STX5: variants seen among roughly 807,000 people sequenced by gnomAD.
STX5 encodes the protein syntaxin 5.
In STX5, 15 loss-of-function variants were observed where a neutral mutation model predicts 42.9. That is an observed-to-expected ratio of 0.35 (90% CI 0.23 to 0.54). STX5 has a LOEUF of 0.54. Ranked by LOEUF, STX5 falls within the 20% of genes least tolerant of loss-of-function variation. STX5 has a pLI of 0.91. For synonymous variants in STX5, 184 were observed against 173.2 expected (o/e 1.06, Z -0.49); for missense variants, 430 against 455.0 (o/e 0.95, Z 0.50).
At chr11:62,826,879 CAAAAA>C (rs34108643) in intron 5 of STX5, among the ~76,000 whole-genome samples, 2 of 65,654 alleles carry the variant, frequency 3.0e-5, no homozygotes, top group East Asian at 4.0e-4. Flanking sequence ...AACTCTGCCT[CAAAAA>C]AAAAAAAAAA....
chr11:62,818,806 T>G (rs2084704581), intron 10 of STX5, among the ~76,000 whole-genome samples: 1 of 151,622 alleles, frequency 6.6e-6, no homozygotes, highest in African/African-American at 2.4e-5. Flanking sequence ...ATCGTGCCAC[T>G]GCACTCCAGC....
intron 10 of STX5, among the ~76,000 whole-genome samples, chr11:62,817,990 G>A (rs559281969): frequency 6.6e-6 from 1 of 152,080 alleles, no homozygotes; most frequent in South Asian, 2.1e-4. Flanking sequence ...GAAACTCAGA[G>A]GCTGGGTGTG....
In STX5 at chr11:62,830,441, G is replaced by A. The variant is rs1034706596; in HGVS notation, c.225+578C>T. ...GCATCCATGTAGTCCCAGCTGCTCA[G>A]GAGGCTGAGGAAAGAGGATCCCTTG... On this transcript the variant is annotated intron_variant, in intron 2 of 10. Transcript: ENST00000294179. The A allele has an allele frequency of 5.5e-5, 24 of 440,048 alleles. No individual in the cohort carries two copies. In the Admixed American group the frequency reaches 6.1e-4, roughly 11 times the overall value. 27.3% of individuals were successfully genotyped at this position (440,048 alleles called of 1,614,324 possible).
intron 10 of STX5, among the ~76,000 whole-genome samples, chr11:62,819,907 G>A (rs1168797416): frequency 1.8e-4 from 25 of 142,564 alleles, no homozygotes; most frequent in African/African-American, 5.2e-4. Context: ...TCACCATTTT[G>A]GCCAAGCAGG....
intron 10 of STX5, among the ~76,000 whole-genome samples, chr11:62,816,987 CAG>C (rs2084681029): frequency 6.6e-6 from 1 of 152,016 alleles, no homozygotes; most frequent in African/African-American, 2.4e-5. Flanking sequence ...TGTTTTGAGA[CAG>C]AGTCTTGCTC....
chr11:62,807,500 A>G lies in STX5; in HGVS notation c.1037T>C (p.Phe346Ser). 1 of 1,614,096 alleles carries G rather than the reference A, an allele frequency of 6.2e-7. No homozygotes were observed. Among genetic ancestry groups the G allele is most frequent in the Non-Finnish European group, 8.5e-7 (1 of 1,180,008 alleles). ...AAGGAAGACCACAAAGATGATGAAG[A>G]AGACAATGAGGATGAGGAAGATTTT... ...MVKIFLILIV[F>S]FIIFVVFLA The change falls in exon 11 of 11, where the codon TTC becomes TCC. Residue 346 changes from phenylalanine (F) to serine (S), a missense_variant. Physicochemically the swap from Phe to Ser is radical, Grantham distance 155. Transcript: ENST00000294179.
rs557502264 is a variant in STX5, at chr11:62,824,027, A to C, written c.908+139T>G. The stretch of plus-strand genomic sequence containing the variant: ...AATAAAAACTTGTTGGGTGGATGGA[A>C]GCAGGTGAACTGGGTCCCATGGGTG... On this transcript the variant is annotated intron_variant, in intron 10 of 10. Coordinates refer to ENST00000294179, the MANE Select transcript of STX5 (RefSeq NM_003164.5). 6 of 1,375,800 alleles carry C rather than the reference A, an allele frequency of 4.4e-6. No individual in the cohort carries two copies. The South Asian group carries it at 8.1e-5, about 19-fold the overall frequency. The allele number at this position is 1,375,800 out of a possible 1,614,324, so 85.2% of individuals were successfully genotyped here. A position where few individuals can be genotyped will look rare whatever the true frequency, so the allele number is the denominator to read the frequency against.
At chr11:62,809,749 G>A (rs984111815) in intron 10 of STX5, among the ~76,000 whole-genome samples, 1 of 142,556 alleles carries the variant, frequency 7.0e-6, no homozygotes, top group African/African-American at 2.6e-5. Context: ...TTAGCATGCT[G>A]TAGTATCTAG....
intron 10 of STX5, among the ~76,000 whole-genome samples, chr11:62,821,952 G>C (rs1269485599): frequency 6.6e-6 from 1 of 152,122 alleles, no homozygotes; most frequent in Non-Finnish European, 1.5e-5. Context: ...CTTGGACCTA[G>C]GAGGCAGAGG....
intron 10 of STX5, chr11:62,823,940 A>T: frequency 1.7e-6 from 1 of 588,488 alleles, no homozygotes; most frequent in Non-Finnish European, 3.0e-6. Flanking sequence ...GACAGACTTT[A>T]CTGTTCTACT....
At chr11:62,809,325 G>C (rs1415559966) in intron 10 of STX5, among the ~76,000 whole-genome samples, 2 of 148,822 alleles carry the variant, frequency 1.3e-5, no homozygotes, top group African/African-American at 4.9e-5. Context: ...GGGGAAACTT[G>C]AACATGGGCT....
intron 8 of STX5, 129 bp from the exon 9 acceptor site, chr11:62,824,694 T>G (rs1319501683): frequency 8.5e-6 from 7 of 827,274 alleles, no homozygotes; most frequent in Non-Finnish European, 1.4e-5. Context: ...ATTTAACCTC[T>G]CTGAGCCTCA....
chr11:62,818,402 C>CA lies in STX5; in HGVS notation c.908+5763dup, dbSNP rs553124975. 3.0e-3 allele frequency among the ~76,000 whole-genome samples: 443 copies of CA among 145,814 alleles called. 2 individuals are homozygous for CA. Among genetic ancestry groups the CA allele is most frequent in the African/African-American group, 9.5e-3 (378 of 39,716 alleles). ...TGAAACCCCATTTCTACTAAAAATACAAAAAAAAAATTAGCTGGGTATGCT... is the reference window on the plus strand; with the variant it reads ...TGAAACCCCATTTCTACTAAAAATACAAAAAAAAAAATTAGCTGGGTATGCT... On this transcript the variant is annotated intron_variant, in intron 10 of 10. Transcript: ENST00000294179.
At position 62,832,009 on chromosome 11, in the gene STX5, C is replaced by T; in HGVS notation, c.-75G>A. 1 of 472,258 alleles carries T rather than the reference C, an allele frequency of 2.1e-6. No individual in the cohort carries two copies. Among genetic ancestry groups the T allele is most frequent in the Non-Finnish European group, 4.2e-6 (1 of 238,118 alleles). 29.3% of individuals were successfully genotyped at this position (472,258 alleles called of 1,614,324 possible). A position where few individuals can be genotyped will look rare whatever the true frequency, so the allele number is the denominator to read the frequency against. On this transcript the variant is annotated 5_prime_UTR_variant, in exon 1 of 11. Transcript: ENST00000294179. ...TTCCAATCTCACCGGCCGTCACTGC[C>T]TCCTCCCCGAGCACTGAAGCCGCCG...
chr11:62,822,778 G>A lies in STX5; in HGVS notation c.908+1388C>T, dbSNP rs571755144. ...CCTATTAGGATACACGTTCCACAAG[G>A]GCAAGGATTTTGTCTCTTTTGTCCA... On this transcript the variant is annotated intron_variant, in intron 10 of 10. Coordinates refer to ENST00000294179, the MANE Select transcript of STX5 (RefSeq NM_003164.5). 2.0e-5 allele frequency among the ~76,000 whole-genome samples: 3 copies of A among 151,548 alleles called. No individual in the cohort carries two copies. In the East Asian group the frequency reaches 5.8e-4, roughly 29 times the overall value.
In STX5 at chr11:62,807,558, G is replaced by A; in HGVS notation, c.979C>T (p.Gln327Ter). Reference sequence around the variant, plus strand: ...AGCCACCGGTTGGAGGTGACAGACTGGAAGTACTTGAGGATCTCTGAATGG... The same window carrying A: ...AGCCACCGGTTGGAGGTGACAGACTAGAAGTACTTGAGGATCTCTGAATGG... ...AAHSEILKYF[Q>*]SVTSNRWLMV... Residue 327 changes from glutamine to a stop codon, truncating the protein, a stop_gained, in exon 11 of 11, where the codon CAG (glutamine) becomes TAG (stop). Coordinates refer to ENST00000294179, the MANE Select transcript of STX5 (RefSeq NM_003164.5). LOFTEE classifies it high-confidence loss of function. 1.2e-6 allele frequency: 2 copies of A among 1,614,132 alleles called. No homozygotes were observed. Among genetic ancestry groups the A allele is most frequent in the Non-Finnish European group, 1.7e-6 (2 of 1,180,010 alleles).
chr11:62,819,269 A>G (rs2084712533), intron 10 of STX5, among the ~76,000 whole-genome samples: 1 of 140,572 alleles, frequency 7.1e-6, no homozygotes, highest in African/African-American at 2.6e-5. Context: ...AGGTGAAAAA[A>G]GTTTAGTTTT....
chr11:62,821,921 G>A (rs2084744534), intron 10 of STX5, among the ~76,000 whole-genome samples: 1 of 152,118 alleles, frequency 6.6e-6, no homozygotes, highest in Non-Finnish European at 1.5e-5. Context: ...AGCTACTCAG[G>A]AGGCTGAGGC....
intron 10 of STX5, among the ~76,000 whole-genome samples, chr11:62,820,520 CTTT>C (rs374794905): frequency 2.8e-5 from 4 of 140,658 alleles, no homozygotes; most frequent in Non-Finnish European, 3.1e-5. Flanking sequence ...TTTTCTTTTT[CTTT>C]TTTTTTTTTT....
Sources: allele counts gnomAD v4.1 joint callset (sites outside exome capture counted in the v4.1 genomes callset), GRCh38; gene constraint gnomAD v4.1.1; transcripts MANE v1.5; gene names NCBI Gene and HGNC (gene_info 2026-07-23, HGNC 2026-07-21).